SEC24A: variants seen among roughly 807,000 people sequenced by gnomAD.
SEC24A encodes SEC24 homolog A, COPII component, also known as protein transport protein Sec24A.
In SEC24A, 93 loss-of-function variants were observed where a neutral mutation model predicts 129.4. The ratio of observed to expected loss-of-function variants is 0.72; its 90% CI spans 0.61 to 0.85. The LOEUF is 0.85. Ranked by LOEUF, SEC24A falls within the 40% of genes least tolerant of loss-of-function variation. The pLI, the probability that SEC24A is intolerant of heterozygous loss-of-function variation, is 0.00. For synonymous variants in SEC24A, 460 were observed against 467.3 expected, an observed-to-expected ratio of 0.98 and a Z score of 0.20; for missense variants, 1,264 against 1,307.4, an observed-to-expected ratio of 0.97 and a Z score of 0.51.
chr5:134,673,051 A>ATTTTTTT (rs375750332), intron 4 of SEC24A, among the ~76,000 whole-genome samples: 1 of 113,678 alleles, frequency 8.8e-6, no homozygotes, highest in Non-Finnish European at 1.7e-5. Flanking sequence ...CCCATTTAGG[A>ATTTTTTT]TTTTTTTTTT....
At chr5:134,694,055 AACTTTTATGTAGAC>A (rs1356568381) in intron 13 of SEC24A, 122 bp downstream of exon 13, 21 of 738,226 alleles carry the variant, frequency 2.8e-5, no homozygotes, top group Non-Finnish European at 4.2e-5. Flanking sequence ...TAAGGAAGTT[AACTTTTATGTAGAC>A]ATTTTTATTT....
chr5:134,678,668 C>T (rs1751154299), intron 7 of SEC24A, among the ~76,000 whole-genome samples: 1 of 151,904 alleles, frequency 6.6e-6, no homozygotes, highest in Non-Finnish European at 1.5e-5. Flanking sequence ...GCAACCTCTG[C>T]CTCCCAGGGT....
chr5:134,666,301 A>G (rs554536486), intron 2 of SEC24A, among the ~76,000 whole-genome samples: 4 of 152,314 alleles, frequency 2.6e-5, no homozygotes, highest in Non-Finnish European at 5.9e-5. Context: ...CACGCCTATA[A>G]TCTCAGCACT....
chr5:134,654,217 A>T (rs188845827), intron 1 of SEC24A, among the ~76,000 whole-genome samples: 2,458 of 150,662 alleles, frequency 0.016, 26 homozygotes, highest in South Asian at 0.051. Flanking sequence ...TCAAAAAAAA[A>T]AAATATATAT....
intron 1 of SEC24A, among the ~76,000 whole-genome samples, chr5:134,655,194 A>G (rs181559315): frequency 2.0e-5 from 3 of 152,214 alleles, no homozygotes; most frequent in Admixed American, 6.6e-5. Context: ...ATGAAATAGG[A>G]TTTTACAAAG....
chr5:134,671,789 T>C lies in SEC24A; in HGVS notation c.740-20T>C. ...AATAATCATTCTAATTAAAATCTTG[T>C]TGATGAACTTCCTTCTTAGGTATTA... On this transcript the variant is annotated intron_variant, in intron 3 of 22. Coordinates refer to ENST00000398844, the MANE Select transcript of SEC24A (RefSeq NM_021982.3). 3 of 1,447,242 alleles carry C rather than the reference T, an allele frequency of 2.1e-6. No individual in the cohort carries two copies. Among genetic ancestry groups the C allele is most frequent in the Non-Finnish European group, 2.9e-6 (3 of 1,052,190 alleles). 89.7% of individuals were successfully genotyped at this position (1,447,242 alleles called of 1,614,324 possible). A position where few individuals can be genotyped will look rare whatever the true frequency, so the allele number is the denominator to read the frequency against.
At chr5:134,661,011 T>G in intron 1 of SEC24A, 108 bp from the exon 2 acceptor site, 4 of 800,934 alleles carry the variant, frequency 5.0e-6, no homozygotes, top group Non-Finnish European at 8.1e-6. Flanking sequence ...ATTTTTTAAT[T>G]GAGTTATGTG....
intron 15 of SEC24A, among the ~76,000 whole-genome samples, chr5:134,699,770 G>A (rs1400979799): frequency 6.7e-6 from 1 of 149,092 alleles, no homozygotes; most frequent in East Asian, 2.0e-4. Flanking sequence ...TGTGATCTAG[G>A]CTCACTGCAA....
intron 18 of SEC24A, among the ~76,000 whole-genome samples, chr5:134,713,304 T>C (rs1342792929): frequency 6.6e-6 from 1 of 152,130 alleles, no homozygotes; most frequent in East Asian, 1.9e-4. Context: ...AATACTTTTT[T>C]CTAAAGCCTA....
chr5:134,705,472 G>A, intron 17 of SEC24A, 35 bp downstream of exon 17: 1 of 1,346,452 alleles, frequency 7.4e-7, no homozygotes, highest in Non-Finnish European at 1.1e-6. Context: ...TATCTTACAA[G>A]TAATAACATT....
At chr5:134,680,332 T>C (rs1226997770) in intron 8 of SEC24A, among the ~76,000 whole-genome samples, 3 of 152,118 alleles carry the variant, frequency 2.0e-5, no homozygotes, top group Non-Finnish European at 4.4e-5. Context: ...ATAAGAGTTT[T>C]GTTTTTGTTT....
intron 8 of SEC24A, among the ~76,000 whole-genome samples, chr5:134,682,003 A>T (rs922845946): frequency 2.0e-5 from 3 of 152,174 alleles, no homozygotes; most frequent in Admixed American, 6.6e-5. Flanking sequence ...GCACTTTGGG[A>T]GGCCAAGGCG....
chr5:134,705,070 TTATATATA>T (rs764489420), intron 16 of SEC24A, among the ~76,000 whole-genome samples: 1 of 133,334 alleles, frequency 7.5e-6, no homozygotes, highest in African/African-American at 2.8e-5. Context: ...ATATTTATAT[TTATATATA>T]TATATATATA....
intron 15 of SEC24A, among the ~76,000 whole-genome samples, chr5:134,699,913 C>T (rs891981456): frequency 5.3e-5 from 8 of 151,918 alleles, no homozygotes; most frequent in Middle Eastern, 3.4e-3. Flanking sequence ...GTTGGCCAGG[C>T]TGGTCTCAAA....
intron 1 of SEC24A, among the ~76,000 whole-genome samples, chr5:134,651,663 T>C: frequency 6.6e-6 from 1 of 151,830 alleles, no homozygotes. Flanking sequence ...TGAGTCTCTC[T>C]ATGTTGCCTA....
intron 22 of SEC24A, 38 bp downstream of exon 22, chr5:134,723,708 T>G: frequency 7.9e-7 from 1 of 1,272,050 alleles, no homozygotes; most frequent in Non-Finnish European, 1.1e-6. Context: ...GTAAAACAAT[T>G]TGTTTGGCCT....
rs897688414 is a variant in SEC24A, at chr5:134,667,075, C to G, written c.739+79C>G. 25 of 1,210,734 alleles carry G rather than the reference C, an allele frequency of 2.1e-5. No homozygotes were observed. The African/African-American group carries it at 3.6e-4, about 18-fold the overall frequency. 75.0% of individuals were successfully genotyped at this position (1,210,734 alleles called of 1,614,324 possible). On this transcript the variant is annotated intron_variant, in intron 3 of 22. Coordinates refer to ENST00000398844, the MANE Select transcript of SEC24A (RefSeq NM_021982.3). ...AGATGAATATTAGCTGAATTCTGTG[C>G]ATTAAAATCACATTTTTTCCAGAAA...
intron 15 of SEC24A, among the ~76,000 whole-genome samples, chr5:134,698,899 C>G (rs1026110268): frequency 1.3e-5 from 2 of 151,822 alleles, no homozygotes; most frequent in Non-Finnish European, 2.9e-5. Flanking sequence ...TCCCAAGGCA[C>G]TGGGATTACA....
rs528497752 is a variant in SEC24A at position 134,710,896 on chromosome 5, G to A, written c.2727+2008G>A. Among the ~76,000 whole-genome samples the A allele has an allele frequency of 5.8e-4, 88 of 152,302 alleles. No homozygotes were observed. In the South Asian group the frequency reaches 0.015, roughly 25 times the overall value. ...CATGCCTGTAATCCCAACACTTTGG[G>A]AGGCCAAGGCGGGCGGATCACTTAA... On this transcript the variant is annotated intron_variant, in intron 18 of 22. Coordinates refer to ENST00000398844, the MANE Select transcript of SEC24A (RefSeq NM_021982.3).
Sources: gnomAD v4.1 joint callset for allele counts (sites outside exome capture counted in the v4.1 genomes callset) on GRCh38, gnomAD v4.1.1 for gene constraint, MANE v1.5 for transcripts, NCBI Gene and HGNC (gene_info 2026-07-23, HGNC 2026-07-21) for gene names.